Variants in XPR1 observed in about 807,000 individuals in gnomAD.
XPR1 encodes the protein xenotropic and polytropic retrovirus receptor 1.
In XPR1, 28 loss-of-function variants were observed where a neutral mutation model predicts 87.5. The observed-to-expected ratio is 0.32, with a 90% confidence interval of 0.24 to 0.44. XPR1 has a LOEUF of 0.44. XPR1 is among the 20% of genes least tolerant of loss of function. The pLI is 1.00. For synonymous variants in XPR1, 300 were observed against 306.1 expected, an observed-to-expected ratio of 0.98 and a Z score of 0.21; for missense variants, 559 against 862.3, an observed-to-expected ratio of 0.65 and a Z score of 4.41.
At position 180,693,798 on chromosome 1, in the gene XPR1, C is replaced by T. The variant is rs77442178; in HGVS notation, c.121+11387C>T. On this transcript the variant is annotated intron_variant, in intron 2 of 14. Transcript: ENST00000367590. ...TCATTGGATTTAAGGTCTGCCTGGA[C>T]AATCCAGGATGATGTCATCTCAAGA... Among the ~76,000 whole-genome samples, 247 of 152,300 alleles carry T rather than the reference C, an allele frequency of 1.6e-3. 1 individual carries two copies. Among genetic ancestry groups the T allele is most frequent in the African/African-American group, 5.6e-3 (233 of 41,564 alleles).
In XPR1 at chr1:180,889,031, C is replaced by T. The variant is rs1376313873; in HGVS notation, c.*4965C>T. The T allele has an allele frequency of 6.6e-6, 1 of 152,196 alleles. No homozygotes were observed. Among genetic ancestry groups the T allele is most frequent in the African/African-American group, 2.4e-5 (1 of 41,448 alleles). 9.4% of individuals were successfully genotyped at this position (152,196 alleles called of 1,614,324 possible). A position where few individuals can be genotyped will look rare whatever the true frequency, so the allele number is the denominator to read the frequency against. On this transcript the variant is annotated 3_prime_UTR_variant, in exon 15 of 15. Coordinates refer to ENST00000367590, the MANE Select transcript of XPR1 (RefSeq NM_004736.4). ...ATGATGCCTTTCTTGTATGAATTAT[C>T]AAAACTGATACTGAGTTGCCCCTAG...
At chr1:180,717,328 T>G (rs993174913) in intron 2 of XPR1, among the ~76,000 whole-genome samples, 1 of 152,164 alleles carries the variant, frequency 6.6e-6, no homozygotes, top group Non-Finnish European at 1.5e-5. Context: ...CTTAATTGAA[T>G]AGGAGAATGT....
chr1:180,774,393 T>C (rs1321968987), intron 2 of XPR1, among the ~76,000 whole-genome samples: 2 of 142,136 alleles, frequency 1.4e-5, no homozygotes, highest in Non-Finnish European at 1.5e-5. Context: ...TCTTTTTTTT[T>C]TTTTTTTTTT....
At chr1:180,704,570 C>T (rs1657486565) in intron 2 of XPR1, among the ~76,000 whole-genome samples, 1 of 151,256 alleles carries the variant, frequency 6.6e-6, no homozygotes, top group South Asian at 2.1e-4. Flanking sequence ...GTGTCTTATT[C>T]AATTTGTATA....
intron 1 of XPR1, among the ~76,000 whole-genome samples, chr1:180,656,457 T>A (rs551374583): frequency 1.1e-3 from 1 of 938 alleles, no homozygotes; most frequent in Admixed American, 0.017. Context: ...ATTTATATAT[T>A]TATATATAAT....
At chr1:180,632,363 C>T in intron 1 of XPR1, 93 bp downstream of exon 1, 2 of 1,485,014 alleles carry the variant, frequency 1.3e-6, no homozygotes, top group Non-Finnish European at 1.8e-6. Context: ...AGCTGGCTCC[C>T]TGTGCCCGGG....
chr1:180,696,176 GTGT>G, intron 2 of XPR1, among the ~76,000 whole-genome samples: 1 of 92,520 alleles, frequency 1.1e-5, no homozygotes, highest in Non-Finnish European at 2.1e-5. Flanking sequence ...GTGTGTGTGT[GTGT>G]GTGTGTGTGT....
intron 1 of XPR1, among the ~76,000 whole-genome samples, chr1:180,680,896 A>G (rs1295472100): frequency 1.4e-4 from 22 of 152,242 alleles, no homozygotes; most frequent in Admixed American, 1.4e-3. Context: ...ATGAAATTCT[A>G]TCATTTGTGA....
chr1:180,790,628 C>T (rs907726330), intron 3 of XPR1, among the ~76,000 whole-genome samples: 2 of 152,164 alleles, frequency 1.3e-5, no homozygotes, highest in African/African-American at 2.4e-5. Flanking sequence ...CAAACTCTGC[C>T]TCCCGGGTTC....
chr1:180,832,916 G>T (rs987070492), intron 9 of XPR1, among the ~76,000 whole-genome samples: 1 of 152,194 alleles, frequency 6.6e-6, no homozygotes, highest in African/African-American at 2.4e-5. Flanking sequence ...ATGGCAGTTT[G>T]ATAGGGATAG....
chr1:180,742,872 T>C lies in XPR1; in HGVS notation c.122-44881T>C, dbSNP rs571854636. On this transcript the variant is annotated intron_variant, in intron 2 of 14. Transcript: ENST00000367590. ...GATTTTTTTTGATGAATTGACTCTT[T>C]TATGAGATGTGATATCTCTATCCTT... Among the ~76,000 whole-genome samples, 5 of 152,232 alleles carry C rather than the reference T, an allele frequency of 3.3e-5. No individual in the cohort carries two copies. In the South Asian group the frequency reaches 1.0e-3, roughly 31 times the overall value.
chr1:180,784,270 T>C (rs1223864854), intron 2 of XPR1, among the ~76,000 whole-genome samples: 1 of 152,046 alleles, frequency 6.6e-6, no homozygotes, highest in Non-Finnish European at 1.5e-5. Context: ...TAAAACTCTT[T>C]CTAACCTGAT....
At chr1:180,705,651 T>C (rs914796680) in intron 2 of XPR1, among the ~76,000 whole-genome samples, 1 of 152,186 alleles carries the variant, frequency 6.6e-6, no homozygotes, top group African/African-American at 2.4e-5. Context: ...CACGTTCCTG[T>C]TTTTTCTGTA....
At chr1:180,696,510 T>A (rs1657180953) in intron 2 of XPR1, among the ~76,000 whole-genome samples, 1 of 151,792 alleles carries the variant, frequency 6.6e-6, no homozygotes, top group Non-Finnish European at 1.5e-5. Flanking sequence ...CTATGTTGAA[T>A]AAGAATGGTG....
At chr1:180,686,530 C>T (rs1406425992) in intron 2 of XPR1, among the ~76,000 whole-genome samples, 1 of 152,120 alleles carries the variant, frequency 6.6e-6, no homozygotes, top group African/African-American at 2.4e-5. Context: ...AGTTCAATTC[C>T]TGGGTATCCT....
At chr1:180,795,638 C>T (rs928212625) in intron 3 of XPR1, among the ~76,000 whole-genome samples, 11 of 151,964 alleles carry the variant, frequency 7.2e-5, no homozygotes, top group African/African-American at 2.7e-4. Context: ...TTCTTTTGTC[C>T]TAGAAGCATC....
At chr1:180,865,772 T>TA (rs1329307267) in intron 12 of XPR1, among the ~76,000 whole-genome samples, 1 of 152,232 alleles carries the variant, frequency 6.6e-6, no homozygotes, top group East Asian at 1.9e-4. Context: ...TTCTAGGTAA[T>TA]AAAATTAGTG....
At chr1:180,787,618 C>G in intron 2 of XPR1, 135 bp from the exon 3 acceptor site, 1 of 631,196 alleles carries the variant, frequency 1.6e-6, no homozygotes. Flanking sequence ...ATATGGTTCA[C>G]AGTTCACTTT....
chr1:180,674,676 A>T (rs1329039911), intron 1 of XPR1, among the ~76,000 whole-genome samples: 1 of 151,924 alleles, frequency 6.6e-6, no homozygotes, highest in African/African-American at 2.4e-5. Flanking sequence ...CTTCAAATAC[A>T]TACCACCATA....
Sources: gnomAD v4.1 joint callset for allele counts (sites outside exome capture counted in the v4.1 genomes callset) on GRCh38, gnomAD v4.1.1 for gene constraint, MANE v1.5 for transcripts, NCBI Gene and HGNC (gene_info 2026-07-23, HGNC 2026-07-21) for gene names.